GALNT7: variants seen among roughly 807,000 people sequenced by gnomAD.
GALNT7 encodes the protein N-acetylgalactosaminyltransferase 7.
In GALNT7, 60 loss-of-function variants were observed where a neutral mutation model predicts 82.1. The observed-to-expected ratio is 0.73, with a 90% confidence interval of 0.59 to 0.91. The LOEUF is 0.91. Ranked by LOEUF, GALNT7 falls within the 40% of genes least tolerant of loss-of-function variation. GALNT7 has a pLI of 0.00. For missense variants in GALNT7, 660 were observed against 804.2 expected (o/e 0.82, Z 2.17); for synonymous variants, 243 against 275.1 (o/e 0.88, Z 1.15).
intron 8 of GALNT7, among the ~76,000 whole-genome samples, chr4:173,312,926 G>T (rs943979187): frequency 9.2e-5 from 14 of 152,216 alleles, no homozygotes; most frequent in Middle Eastern, 6.8e-3. Flanking sequence ...AGGTGTGGTG[G>T]CGGGCACCTG....
At chr4:173,211,263 C>T (rs1401312114) in intron 1 of GALNT7, among the ~76,000 whole-genome samples, 1 of 152,148 alleles carries the variant, frequency 6.6e-6, no homozygotes, top group East Asian at 1.9e-4. Context: ...TGCATTCCTG[C>T]CTGTACCCTC....
rs755005166 is a variant in GALNT7 at position 173,321,677 on chromosome 4, C to T, written c.1934C>T (p.Thr645Met). ...VFISNCDSSK[T>M]TQKWEMNNIH... ...ATCTCCAATTGTGACTCCAGTAAAA[C>T]GACTCAAAAATGGGAAATGAATAAC... is the stretch of plus-strand genomic sequence containing the variant. Residue 645 changes from threonine to methionine, a missense_variant, in exon 12 of 12, where the codon ACG (threonine) becomes ATG (methionine). Transcript: ENST00000265000. The T allele has an allele frequency of 6.3e-5, 102 of 1,607,254 alleles. No individual in the cohort carries two copies. Among genetic ancestry groups the T allele is most frequent in the Non-Finnish European group, 7.8e-5 (92 of 1,174,152 alleles).
At position 173,248,413 on chromosome 4, in the gene GALNT7, G is replaced by A. The variant is rs752654045; in HGVS notation, c.560G>A (p.Arg187His). 19 of 1,609,496 alleles carry A rather than the reference G, an allele frequency of 1.2e-5. No individual in the cohort carries two copies. The highest frequency in any genetic ancestry group is 1.7e-4 in the Middle Eastern group (1 of 6,044). ...GCAAGTGACATGATCTCACTGGACC[G>A]CAGCGTCAATGACTTACGCCAAGAA... ...MVASDMISLD[R>H]SVNDLRQEEC... Residue 187 changes from arginine to histidine, a missense_variant, in exon 2 of 12, where the codon CGC becomes CAC. Arg to His is a conservative substitution (Grantham distance 29). Transcript: ENST00000265000.
At chr4:173,235,832 G>A (rs1320393206) in intron 1 of GALNT7, among the ~76,000 whole-genome samples, 1 of 152,126 alleles carries the variant, frequency 6.6e-6, no homozygotes, top group Non-Finnish European at 1.5e-5. Flanking sequence ...GGGATTACAG[G>A]CGTGAGCCAC....
At chr4:173,191,345 T>C (rs1732623079) in intron 1 of GALNT7, among the ~76,000 whole-genome samples, 1 of 152,050 alleles carries the variant, frequency 6.6e-6, no homozygotes, top group East Asian at 1.9e-4. Flanking sequence ...CTATGGTGAG[T>C]TGCCTTTAAG....
intron 1 of GALNT7, among the ~76,000 whole-genome samples, chr4:173,193,991 C>A (rs1484694713): frequency 1.3e-5 from 2 of 152,030 alleles, no homozygotes; most frequent in Non-Finnish European, 2.9e-5. Flanking sequence ...TATTCATATG[C>A]TATGTAGTTA....
intron 2 of GALNT7, among the ~76,000 whole-genome samples, chr4:173,278,946 C>T (rs1267565458): frequency 6.6e-6 from 1 of 152,150 alleles, no homozygotes; most frequent in East Asian, 1.9e-4. Flanking sequence ...GGAATAAAAT[C>T]TACCATACTG....
rs546513712 is a variant in GALNT7, at chr4:173,302,783, G to A, written c.1266+619G>A. Among the ~76,000 whole-genome samples, 51 of 152,366 alleles carry A rather than the reference G, an allele frequency of 3.3e-4. 1 individual carries two copies. Among genetic ancestry groups the A allele is most frequent in the South Asian group, 1.0e-3 (5 of 4,824 alleles). ...ACCTCTTGTCTTAAATGTCCTGTGC[G>A]TAGCACTGTGAGGGATAGAAGAGGA... On this transcript the variant is annotated intron_variant, in intron 7 of 11. Coordinates refer to ENST00000265000, the MANE Select transcript of GALNT7 (RefSeq NM_017423.3). This position sits in a 1 kb window ranked among gnomAD's most constrained non-coding sequence, Gnocchi z 4.2.
chr4:173,270,242 T>C (rs1301735496), intron 2 of GALNT7, among the ~76,000 whole-genome samples: 2 of 152,168 alleles, frequency 1.3e-5, no homozygotes, highest in African/African-American at 4.8e-5. Flanking sequence ...ATAACCCTTG[T>C]AATTGCATGT....
intron 2 of GALNT7, among the ~76,000 whole-genome samples, chr4:173,256,607 G>C (rs993473148): frequency 1.1e-5 from 1 of 91,762 alleles, no homozygotes; most frequent in African/African-American, 4.2e-5. Context: ...TTCTTTCTTT[G>C]TTACTTTCTT....
At chr4:173,189,092 A>G (rs2126638633) in intron 1 of GALNT7, among the ~76,000 whole-genome samples, 1 of 152,310 alleles carries the variant, frequency 6.6e-6, no homozygotes, top group East Asian at 1.9e-4. Context: ...TGAGGTGCTC[A>G]TGTGATCATC....
intron 1 of GALNT7, among the ~76,000 whole-genome samples, chr4:173,210,747 C>T (rs1353710456): frequency 6.6e-6 from 1 of 152,076 alleles, no homozygotes; most frequent in Non-Finnish European, 1.5e-5. Flanking sequence ...TTTCCTTTTA[C>T]GTTTGCTGAT....
intron 1 of GALNT7, among the ~76,000 whole-genome samples, chr4:173,212,122 G>A (rs1032541074): frequency 4.6e-5 from 7 of 152,188 alleles, no homozygotes; most frequent in Non-Finnish European, 8.8e-5. Flanking sequence ...TCTCAGAAAG[G>A]TCATCCAAAG....
intron 2 of GALNT7, among the ~76,000 whole-genome samples, chr4:173,260,835 T>C (rs1735230560): frequency 6.6e-6 from 1 of 152,220 alleles, no homozygotes; most frequent in Middle Eastern, 3.2e-3. Context: ...TATGCATACA[T>C]TTAATAAATA....
intron 2 of GALNT7, among the ~76,000 whole-genome samples, chr4:173,282,143 G>A (rs923673114): frequency 6.6e-6 from 1 of 152,170 alleles, no homozygotes; most frequent in Non-Finnish European, 1.5e-5. Context: ...TATCAGTAAA[G>A]CTGTCTGTGC....
intron 8 of GALNT7, among the ~76,000 whole-genome samples, chr4:173,309,213 A>T (rs1161749365): frequency 2.0e-5 from 3 of 152,224 alleles, no homozygotes; most frequent in Non-Finnish European, 4.4e-5. Flanking sequence ...TTTCCCAGTC[A>T]CACGTTTATT....
At chr4:173,268,498 A>G (rs1204465517) in intron 2 of GALNT7, among the ~76,000 whole-genome samples, 1 of 151,014 alleles carries the variant, frequency 6.6e-6, no homozygotes, top group Non-Finnish European at 1.5e-5. Flanking sequence ...GGCACCAAAC[A>G]AACTGCAAAT....
At chr4:173,259,664 G>A (rs530902150) in intron 2 of GALNT7, among the ~76,000 whole-genome samples, 2 of 151,930 alleles carry the variant, frequency 1.3e-5, no homozygotes, top group Non-Finnish European at 2.9e-5. Flanking sequence ...GAGAGAGAGC[G>A]TCTCCCTCTG....
intron 1 of GALNT7, among the ~76,000 whole-genome samples, chr4:173,194,241 A>G (rs1732708456): frequency 6.6e-6 from 1 of 152,254 alleles, no homozygotes. Flanking sequence ...CAGATTTAAT[A>G]TAACATGTTA....
Sources: allele counts gnomAD v4.1 joint callset (sites outside exome capture counted in the v4.1 genomes callset), GRCh38; gene constraint gnomAD v4.1.1; non-coding constraint Gnocchi (gnomAD v3.1); transcripts MANE v1.5; gene names NCBI Gene and HGNC (gene_info 2026-07-23, HGNC 2026-07-21).